The following PLIN4 variants were observed in gnomAD, a reference collection of about 807,000 sequenced individuals.
The protein encoded by PLIN4 is perilipin-4.
In PLIN4, 57 loss-of-function variants were observed where a neutral mutation model predicts 52.4. The observed-to-expected ratio is 1.09, with a 90% CI of 0.88 to 1.36. The LOEUF is 1.36. PLIN4 is among the 40% of genes most tolerant of loss of function. The probability of loss-of-function intolerance (pLI) is 0.00; values close to 1 mark genes in which losing one functional copy is unlikely to be tolerated. For missense variants in PLIN4, 1,757 were observed against 1,770.3 expected (o/e 0.99, Z 0.13); for synonymous variants, 826 against 785.4 (o/e 1.05, Z -0.86).
At chr19:4,505,840 A>AAGGCC (rs1976076132) in intron 6 of PLIN4, among the ~76,000 whole-genome samples, 1 of 151,890 alleles carries the variant, frequency 6.6e-6, no homozygotes, top group Admixed American at 6.6e-5. Flanking sequence ...CACCCTGTCC[A>AAGGCC]AGGCCAGGCT....
At chr19:4,517,490 G>T in intron 3 of PLIN4, 64 bp downstream of exon 3, 1 of 1,538,998 alleles carries the variant, frequency 6.5e-7, no homozygotes, top group Non-Finnish European at 8.8e-7. Context: ...CCTGCCCGGG[G>T]AGCTCCTTCT....
chr19:4,505,986 G>A lies in PLIN4; in HGVS notation c.3703-1039C>T, dbSNP rs1293431736. ...ATCGGACCCGGGCAGCTCTGACTTC[G>A]AAACACCCAGAGCCCAGCTACTTCT... On this transcript the variant is annotated intron_variant, in intron 6 of 7. Transcript: ENST00000301286. Among the ~76,000 whole-genome samples, 5 of 152,034 alleles carry A rather than the reference G, an allele frequency of 3.3e-5. No homozygotes were observed. The South Asian group carries it at 6.2e-4, about 19-fold the overall frequency.
At chr19:4,516,778 G>A in intron 3 of PLIN4, 100 bp from the exon 4 acceptor site, 9 of 1,231,224 alleles carry the variant, frequency 7.3e-6, no homozygotes, top group Non-Finnish European at 8.7e-6. Context: ...TAAAAGGTCA[G>A]GAATGTTTCA....
intron 6 of PLIN4, 51 bp downstream of exon 6, chr19:4,508,717 G>A: frequency 6.6e-7 from 1 of 1,513,976 alleles, no homozygotes; most frequent in Non-Finnish European, 8.9e-7. Flanking sequence ...CCTGGGCAGG[G>A]GTTCTAAGAA....
rs1976454442 is a variant in PLIN4, at chr19:4,512,780, A to T, written c.1180T>A (p.Ser394Thr). 6.4e-7 allele frequency: 1 copy of T among 1,555,532 alleles called. No homozygotes were observed. The highest frequency in any genetic ancestry group is 8.6e-7 in the Non-Finnish European group (1 of 1,158,762). ...AIQGGLDTTK[S>T]MVMGTKDTMS... is the part of the protein sequence containing the mutation. ...GTGTCTTTCGTACCCATGACCATAG[A>T]CTTGGTGGTATCCAGGCCCCCCTGG... Residue 394 changes from serine to threonine, a missense_variant, in exon 5 of 8, where the codon TCT (serine) becomes ACT (threonine). This residue lies in a region of PLIN4 where 439 missense variants were observed against 406.4 expected (regional missense o/e 1.08). Transcript: ENST00000301286.
In PLIN4 at chr19:4,509,615, ACT is replaced by A. The variant is rs1344739117; in HGVS notation, c.3515-662_3515-661del. On this transcript the variant is annotated intron_variant, in intron 5 of 7. Coordinates refer to ENST00000301286, the MANE Select transcript of PLIN4 (RefSeq NM_001367868.2). The stretch of plus-strand genomic sequence containing the variant: ...CTCCAGCCTGGGCGACAAGAGTGAG[ACT>A]CTGCCTCAAAAATAAATAAGTAAAA... Among the ~76,000 whole-genome samples, 8 of 151,540 alleles carry A rather than the reference ACT, an allele frequency of 5.3e-5. 1 individual carries two copies. The highest frequency in any genetic ancestry group is 1.9e-4 in the African/African-American group (8 of 41,220).
chr19:4,507,661 C>T (rs572210840), intron 6 of PLIN4, among the ~76,000 whole-genome samples: 1 of 152,138 alleles, frequency 6.6e-6, no homozygotes, highest in Non-Finnish European at 1.5e-5. Context: ...TGTAGTCCAG[C>T]CTGGGTGGCA....
chr19:4,510,595 G>T lies in PLIN4; in HGVS notation c.3365C>A (p.Thr1122Lys). The change falls in exon 5 of 8, where the codon ACG becomes AAG. Residue 1122 changes from threonine to lysine, a missense_variant. Around this residue, in one of 7 missense-constraint regions of PLIN4, gnomAD observed 712 missense variants for 637.1 expected, o/e 1.12. Transcript: ENST00000301286. Reference sequence around the variant, plus strand: ...GCCTGGGGCGGCCCCTTGGGTGAACGTCGCCACGTCAGTCGCAAGGCCCTT... The same window carrying T: ...GCCTGGGGCGGCCCCTTGGGTGAACTTCGCCACGTCAGTCGCAAGGCCCTT... ...TTKGLATDVA[T>K]FTQGAAPGRE... is the part of the protein sequence containing the mutation. The T allele has an allele frequency of 1.3e-6, 2 of 1,499,600 alleles. No individual in the cohort carries two copies. The highest frequency in any genetic ancestry group is 8.9e-7 in the Non-Finnish European group (1 of 1,124,438). 92.9% of individuals were successfully genotyped at this position (1,499,600 alleles called of 1,614,324 possible). A position where few individuals can be genotyped will look rare whatever the true frequency, so the allele number is the denominator to read the frequency against.
Position 4,512,953 on chromosome 19 carries a change from G to T in PLIN4, c.1007C>A (p.Thr336Asn), listed in dbSNP as rs373337594. The T allele has an allele frequency of 9.2e-4, 657 of 717,930 alleles. 4 individuals carry two copies. In the East Asian group the frequency reaches 0.015, roughly 17 times the overall value. The allele number at this position is 717,930 out of a possible 1,614,324, so 44.5% of individuals were successfully genotyped here. A position where few individuals can be genotyped will look rare whatever the true frequency, so the allele number is the denominator to read the frequency against. ...SKTVLTGTKD[T>N]VCSGVTGAMN... is the part of the protein sequence containing the mutation. The stretch of plus-strand genomic sequence containing the variant: ...GGCACCAGTCACCCCACTACAGACG[G>T]TGTCCTTGGTACCTGTTAGGACAGT... Residue 336 changes from threonine to asparagine, a missense_variant, in exon 5 of 8, where the codon ACC becomes AAC. Physicochemically the swap from Thr to Asn is moderately conservative, Grantham distance 65 (BLOSUM62 0). Coordinates refer to ENST00000301286, the MANE Select transcript of PLIN4 (RefSeq NM_001367868.2).
Position 4,503,387 on chromosome 19 carries a change from G to A in PLIN4, c.*1072C>T, listed in dbSNP as rs142032595. ...CAGCCTCCACGACCTGGGCTAGCCT[G>A]AGAGCACGGGGCCCGGCGGCCGGGT... On this transcript the variant is annotated 3_prime_UTR_variant, in exon 8 of 8. Transcript: ENST00000301286. The A allele has an allele frequency of 6.5e-6, 1 of 152,908 alleles. No individual in the cohort carries two copies. Among genetic ancestry groups the A allele is most frequent in the Non-Finnish European group, 1.5e-5 (1 of 68,494 alleles). 9.5% of individuals were successfully genotyped at this position (152,908 alleles called of 1,614,324 possible).
Position 4,502,453 on chromosome 19 carries a change from C to G in PLIN4, c.*2006G>C. ...AAACCAGGGCATCTAAGCTGTGCTG[C>G]CTGCGCCCTGCCCCGCACCCACGAG... is the stretch of plus-strand genomic sequence containing the variant. On this transcript the variant is annotated 3_prime_UTR_variant, in exon 8 of 8. Coordinates refer to ENST00000301286, the MANE Select transcript of PLIN4 (RefSeq NM_001367868.2). The G allele has an allele frequency of 3.1e-6, 1 of 320,314 alleles. No individual in the cohort carries two copies. Among genetic ancestry groups the G allele is most frequent in the Non-Finnish European group, 5.9e-6 (1 of 169,870 alleles). 19.8% of individuals were successfully genotyped at this position (320,314 alleles called of 1,614,324 possible). A position where few individuals can be genotyped will look rare whatever the true frequency, so the allele number is the denominator to read the frequency against.
intron 6 of PLIN4, 25 bp downstream of exon 6, chr19:4,508,743 G>GGCA: frequency 6.4e-7 from 1 of 1,554,490 alleles, no homozygotes; most frequent in South Asian, 1.2e-5. Context: ...CTGGGGACGG[G>GGCA]GCAGCAGCAG....
chr19:4,515,246 G>A (rs750478186), intron 4 of PLIN4, among the ~76,000 whole-genome samples: 2 of 151,938 alleles, frequency 1.3e-5, no homozygotes, highest in East Asian at 1.9e-4. Context: ...TAACTCTCGG[G>A]TGTACCTGTG....
Position 4,511,234 on chromosome 19 carries a change from G to A in PLIN4, c.2726C>T (p.Ala909Val), listed in dbSNP as rs1267364425. 1.9e-6 allele frequency: 3 copies of A among 1,611,308 alleles called. No individual in the cohort carries two copies. Among genetic ancestry groups the A allele is most frequent in the Non-Finnish European group, 2.5e-6 (3 of 1,178,248 alleles). Residue 909 changes from alanine (A) to valine (V), a missense_variant, in exon 5 of 8, where the codon GCC (alanine) becomes GTC (valine). This residue lies in a region of PLIN4 where 712 missense variants were observed against 637.1 expected (regional missense o/e 1.12). Transcript: ENST00000301286. ...STGLTGAVNL[A>V]KGTVQTGVDT... is the part of the protein sequence containing the mutation. ...CACGCCGGTCTGGACAGTCCCTTTGGCCAAGTTCACAGCCCCTGTGAGCCC... is the reference window on the plus strand; with the variant it reads ...CACGCCGGTCTGGACAGTCCCTTTGACCAAGTTCACAGCCCCTGTGAGCCC...
intron 4 of PLIN4, 57 bp from the exon 5 acceptor site, chr19:4,513,758 C>T (rs182137185): frequency 5.8e-5 from 88 of 1,506,200 alleles, no homozygotes; most frequent in East Asian, 5.3e-4. Flanking sequence ...TACTCCACCC[C>T]GATGTCTGCC....
chr19:4,511,425 A>G lies in PLIN4; in HGVS notation c.2535T>C (p.Gly845=), dbSNP rs556530122. Residue 845 remains glycine (G), a synonymous_variant, in exon 5 of 8, where the codon GGT becomes GGC. Transcript: ENST00000301286. ...GVTGAANVAK[G]AVQTGLKTTQ... ...TCGTTTTCAGCCCAGTTTGCACAGC[A>G]CCCTTGGCCACGTTCGCAGCACCGG... 1 of 1,468,682 alleles carries G rather than the reference A, an allele frequency of 6.8e-7. No homozygotes were observed. Among genetic ancestry groups the G allele is most frequent in the African/African-American group, 2.0e-5 (1 of 49,118 alleles). The allele number at this position is 1,468,682 out of a possible 1,614,324, so 91.0% of individuals were successfully genotyped here. A position where few individuals can be genotyped will look rare whatever the true frequency, so the allele number is the denominator to read the frequency against.
intron 4 of PLIN4, among the ~76,000 whole-genome samples, chr19:4,514,168 C>G (rs1038613244): frequency 6.6e-6 from 1 of 152,164 alleles, no homozygotes; most frequent in Non-Finnish European, 1.5e-5. Flanking sequence ...TCATTATATC[C>G]AGGCTGGGTG....
chr19:4,511,220 G>A lies in PLIN4; in HGVS notation c.2740C>T (p.Gln914Ter). ...GAVNLAKGTV[Q>*]TGVDTSKTVL... is the part of the protein sequence containing the mutation. ...GTCTTGCTGGTGTCCACGCCGGTCT[G>A]GACAGTCCCTTTGGCCAAGTTCACA... The change falls in exon 5 of 8, where the codon CAG becomes TAG. Residue 914 changes from glutamine to a stop codon, truncating the protein, a stop_gained. Coordinates refer to ENST00000301286, the MANE Select transcript of PLIN4 (RefSeq NM_001367868.2). LOFTEE classifies it high-confidence loss of function. 6.2e-7 allele frequency: 1 copy of A among 1,612,654 alleles called. No individual in the cohort carries two copies. Among genetic ancestry groups the A allele is most frequent in the Non-Finnish European group, 8.5e-7 (1 of 1,179,026 alleles).
Position 4,511,076 on chromosome 19 carries a change from C to T in PLIN4, c.2884G>A (p.Asp962Asn). The T allele has an allele frequency of 6.2e-7, 1 of 1,613,630 alleles. No individual in the cohort carries two copies. Among genetic ancestry groups the T allele is most frequent in the Non-Finnish European group, 8.5e-7 (1 of 1,179,880 alleles). ...CCCGTGACTCCAGTAGTCACTGCAT[C>T]CTTAGCGCCACTCAGCACCGTCTTG... Reference protein sequence around the residue: ...TAKTVLSGAKDAVTTGVTGAV... With the variant: ...TAKTVLSGAKNAVTTGVTGAV... Residue 962 changes from aspartate (D) to asparagine (N), a missense_variant, in exon 5 of 8, where the codon GAT becomes AAT. Transcript: ENST00000301286.
Sources: allele counts gnomAD v4.1 joint callset (sites outside exome capture counted in the v4.1 genomes callset), GRCh38; gene constraint gnomAD v4.1.1; regional missense constraint gnomAD v4.1.1; transcripts MANE v1.5; gene names NCBI Gene and HGNC (gene_info 2026-07-23, HGNC 2026-07-21).